Variants in RYR1 observed in about 807,000 individuals in gnomAD.
RYR1 encodes ryanodine receptor 1.
In RYR1, 342 loss-of-function variants were observed where a neutral mutation model predicts 583.5. The ratio of observed to expected loss-of-function variants is 0.59; its 90% CI spans 0.54 to 0.64. RYR1 has a LOEUF of 0.64. RYR1 is among the 30% of genes least tolerant of loss of function. The pLI, the probability that RYR1 is intolerant of heterozygous loss-of-function variation, is 0.00. For missense variants in RYR1, 6,032 were observed against 6,917.2 expected (o/e 0.87, Z 4.54); for synonymous variants, 2,791 against 2,822.5 (o/e 0.99, Z 0.35).
At chr19:38,486,284 T>G in intron 34 of RYR1, 82 bp downstream of exon 34, 1 of 1,514,024 alleles carries the variant, frequency 6.6e-7, no homozygotes, top group South Asian at 1.1e-5. Flanking sequence ...TCAATCCTCC[T>G]CTATTTATGC....
chr19:38,494,431 G>A lies in RYR1; in HGVS notation c.6354G>A (p.Arg2118=). ...EDFVQSPELV[R]AMFSLLHRQY... ...TCGTGCAGAGCCCCGAGCTGGTGCG[G>A]GCCATGTTCAGCCTCCTGCACCGGC... The change falls in exon 39 of 106, where the codon CGG becomes CGA. Residue 2118 remains arginine, a synonymous_variant. Coordinates refer to ENST00000359596, the MANE Select transcript of RYR1 (RefSeq NM_000540.3). 1 of 1,612,332 alleles carries A rather than the reference G, an allele frequency of 6.2e-7. No individual in the cohort carries two copies. The highest frequency in any genetic ancestry group is 8.5e-7 in the Non-Finnish European group (1 of 1,180,012).
chr19:38,532,548 C>A lies in RYR1; in HGVS notation c.11193+7C>A. The A allele has an allele frequency of 6.2e-7, 1 of 1,614,182 alleles. No individual in the cohort carries two copies. On this transcript the variant is annotated splice_region_variant and intron_variant, in intron 77 of 105. Transcript: ENST00000359596. ...TGCTGATATCATGGCAAAGGTGAGG[C>A]CCTACCCCCCTCTTCTGGGGCAGAT...
In RYR1 at chr19:38,444,201, A is replaced by T. The variant is rs1011556378; in HGVS notation, c.477A>T (p.Gly159=). ...CAGCCTCCAAGCAGAGGTCTGAAGG[A>T]GAAAAGGTCCGCGTTGGGGATGACA... is the stretch of plus-strand genomic sequence containing the variant. ...MHPASKQRSE[G]EKVRVGDDII... The change falls in exon 6 of 106, where the codon GGA becomes GGT. Residue 159 remains glycine, a synonymous_variant. Transcript: ENST00000359596. The surrounding 1 kb of genome is among the most constrained non-coding windows in gnomAD (Gnocchi z 5.1). The T allele has an allele frequency of 6.2e-7, 1 of 1,613,990 alleles. No homozygotes were observed. The highest frequency in any genetic ancestry group is 8.5e-7 in the Non-Finnish European group (1 of 1,179,968).
chr19:38,492,407 C>T (rs1969590943), intron 37 of RYR1, 83 bp from the exon 38 acceptor site: 2 of 1,424,286 alleles, frequency 1.4e-6, no homozygotes, highest in Admixed American at 1.7e-5. Context: ...CATGCATGCA[C>T]ATATGCACAA....
At chr19:38,451,679 G>A in intron 11 of RYR1, 85 bp from the exon 12 acceptor site, 1 of 1,543,766 alleles carries the variant, frequency 6.5e-7, no homozygotes. Flanking sequence ...GGGGGCAAGT[G>A]CAGAACTCAA....
chr19:38,463,433 C>T lies in RYR1; in HGVS notation c.2588C>T (p.Pro863Leu), dbSNP rs145456934. ...CPVDTVQIVLPPHLERIREKL... is the reference protein window; with the variant it reads ...CPVDTVQIVLLPHLERIREKL... Reference sequence around the variant, plus strand: ...TCCCTCTGCCTCTAGATTGTCCTGCCGCCCCATCTGGAGCGCATTCGGGAG... The same window carrying T: ...TCCCTCTGCCTCTAGATTGTCCTGCTGCCCCATCTGGAGCGCATTCGGGAG... Residue 863 changes from proline (P) to leucine (L), a missense_variant, in exon 21 of 106, where the codon CCG becomes CTG. Physicochemically the swap from Pro to Leu is moderately conservative, Grantham distance 98 (BLOSUM62 -3). Coordinates refer to ENST00000359596, the MANE Select transcript of RYR1 (RefSeq NM_000540.3). 8.8e-5 allele frequency: 142 copies of T among 1,613,890 alleles called. No individual in the cohort carries two copies. Among genetic ancestry groups the T allele is most frequent in the Admixed American group, 4.7e-4 (28 of 59,994 alleles).
At position 38,547,342 on chromosome 19, in the gene RYR1, C is replaced by T. The variant is rs146104029; in HGVS notation, c.12094+816C>T. On this transcript the variant is annotated intron_variant, in intron 88 of 105. Coordinates refer to ENST00000359596, the MANE Select transcript of RYR1 (RefSeq NM_000540.3). Reference sequence around the variant, plus strand: ...CTGGGATTACAGACTTGAGCCACTGCGCCCAGCCTACATTAAAATTTAAAA... The same window carrying T: ...CTGGGATTACAGACTTGAGCCACTGTGCCCAGCCTACATTAAAATTTAAAA... 3.7e-3 allele frequency among the ~76,000 whole-genome samples: 569 copies of T among 151,818 alleles called. 2 individuals are homozygous for T. Among genetic ancestry groups the T allele is most frequent in the African/African-American group, 0.012 (491 of 41,380 alleles).
chr19:38,469,502 C>T lies in RYR1; in HGVS notation c.3754C>T (p.Pro1252Ser). 1 of 1,614,086 alleles carries T rather than the reference C, an allele frequency of 6.2e-7. No homozygotes were observed. Among genetic ancestry groups the T allele is most frequent in the Non-Finnish European group, 8.5e-7 (1 of 1,180,016 alleles). ...GTTTGAGCCAGTGCCCCTTGAACAC[C>T]CTCACTATGAGGTAAGGACTGAGCC... is the stretch of plus-strand genomic sequence containing the variant. ...PQFEPVPLEH[P>S]HYEVSRVDGT... is the part of the protein sequence containing the mutation. Residue 1252 changes from proline (P) to serine (S), a missense_variant, in exon 27 of 106, where the codon CCT (proline) becomes TCT (serine). Physicochemically the swap from Pro to Ser is moderately conservative, Grantham distance 74 (BLOSUM62 -1). Transcript: ENST00000359596.
chr19:38,508,659 G>C (rs1027412359), intron 58 of RYR1, among the ~76,000 whole-genome samples: 42 of 152,204 alleles, frequency 2.8e-4, no homozygotes, highest in African/African-American at 9.9e-4. Context: ...GAGTGCAAAG[G>C]CCCTGAGAGG....
Position 38,519,350 on chromosome 19 carries a change from G to A in RYR1, c.10155G>A (p.Ala3385=), listed in dbSNP as rs746491996. The part of the protein sequence containing the change: ...EEEQLRLEAK[A]EAQEGELLVR... ...AGCAGCTGCGCCTGGAGGCCAAGGC[G>A]GAGGCCCAGGAGGGCGAGCTGCTGG... Residue 3385 remains alanine, a synonymous_variant, in exon 67 of 106, where the codon GCG becomes GCA. Coordinates refer to ENST00000359596, the MANE Select transcript of RYR1 (RefSeq NM_000540.3). 89 of 1,611,602 alleles carry A rather than the reference G, an allele frequency of 5.5e-5. No individual in the cohort carries two copies. Among genetic ancestry groups the A allele is most frequent in the South Asian group, 2.2e-4 (20 of 90,870 alleles).
At chr19:38,510,382 T>G in intron 58 of RYR1, 116 bp from the exon 59 acceptor site, 1 of 996,560 alleles carries the variant, frequency 1.0e-6, no homozygotes. Flanking sequence ...AATGACTTCA[T>G]ACCAATACTT....
chr19:38,569,227 G>C (rs751055796), intron 93 of RYR1, among the ~76,000 whole-genome samples: 1 of 152,134 alleles, frequency 6.6e-6, no homozygotes, highest in African/African-American at 2.4e-5. Context: ...AGCCAGAATG[G>C]CCTAGATCTG....
intron 47 of RYR1, among the ~76,000 whole-genome samples, chr19:38,502,050 G>A (rs1439120368): frequency 1.3e-5 from 2 of 151,702 alleles, no homozygotes; most frequent in African/African-American, 4.9e-5. Flanking sequence ...CTAGCTACTA[G>A]GGAGGCTGAG....
intron 16 of RYR1, among the ~76,000 whole-genome samples, chr19:38,456,856 C>G (rs924271094): frequency 6.6e-6 from 1 of 151,106 alleles, no homozygotes; most frequent in Non-Finnish European, 1.5e-5. Context: ...ACCATCCTGG[C>G]TAATGCGGTG....
rs754442688 is a variant in RYR1 at position 38,535,204 on chromosome 19, A to G, written c.11423A>G (p.Asn3808Ser). 1.9e-6 allele frequency: 3 copies of G among 1,614,132 alleles called. No individual in the cohort carries two copies. Among genetic ancestry groups the G allele is most frequent in the Non-Finnish European group, 2.5e-6 (3 of 1,180,008 alleles). The change falls in exon 80 of 106, where the codon AAT becomes AGT. Residue 3808 changes from asparagine to serine, a missense_variant. Physicochemically the swap from Asn to Ser is conservative, Grantham distance 46. This residue lies in a region of RYR1 where 1,493 missense variants were observed against 1,715.5 expected (regional missense o/e 0.87). Transcript: ENST00000359596. ...GGCATCTCCATCCTCAATGGAGGCA[A>G]TGCTGAGGTCCAGCAGGTAACAGAG... ...KLGISILNGG[N>S]AEVQQKMLDY...
chr19:38,550,910 C>A (rs193159094), intron 89 of RYR1, among the ~76,000 whole-genome samples: 2 of 151,774 alleles, frequency 1.3e-5, no homozygotes, highest in African/African-American at 4.8e-5. Flanking sequence ...CTCATTTCGC[C>A]GTATGCTTTA....
intron 1 of RYR1, among the ~76,000 whole-genome samples, chr19:38,437,699 C>G (rs535866826): frequency 6.6e-6 from 1 of 152,120 alleles, no homozygotes; most frequent in East Asian, 1.9e-4. Flanking sequence ...ACCTGTAGTA[C>G]CAGCTACTTG....
At position 38,452,815 on chromosome 19, in the gene RYR1, G is replaced by A; in HGVS notation, c.1245-4G>A. On this transcript the variant is annotated splice_polypyrimidine_tract_variant and splice_region_variant and intron_variant, in intron 12 of 105. Coordinates refer to ENST00000359596, the MANE Select transcript of RYR1 (RefSeq NM_000540.3). ...CGTGGCTGACAGCTGCGAGGTCCCT[G>A]TAGGAGCCTGGACAGCTTCAGCGGG... 6.3e-7 allele frequency: 1 copy of A among 1,584,160 alleles called. No individual in the cohort carries two copies. Among genetic ancestry groups the A allele is most frequent in the Non-Finnish European group, 8.6e-7 (1 of 1,165,834 alleles).
At position 38,543,237 on chromosome 19, in the gene RYR1, C is replaced by T. The variant is rs1972275569; in HGVS notation, c.11690-110C>T. The stretch of plus-strand genomic sequence containing the variant: ...AAATTGATGATGATATGCTTTCTGG[C>T]ATACAATAGGAACTCAACACATGAG... On this transcript the variant is annotated intron_variant, in intron 84 of 105. Transcript: ENST00000359596. This position sits in a 1 kb window ranked among gnomAD's most constrained non-coding sequence, Gnocchi z 4.4. 1.1e-6 allele frequency: 1 copy of T among 899,584 alleles called. No homozygotes were observed. Among genetic ancestry groups the T allele is most frequent in the Non-Finnish European group, 1.9e-6 (1 of 531,808 alleles). 55.7% of individuals were successfully genotyped at this position (899,584 alleles called of 1,614,324 possible).
Sources: allele counts gnomAD v4.1 joint callset (sites outside exome capture counted in the v4.1 genomes callset), GRCh38; gene constraint gnomAD v4.1.1; regional missense constraint gnomAD v4.1.1; non-coding constraint Gnocchi (gnomAD v3.1); transcripts MANE v1.5; gene names NCBI Gene and HGNC (gene_info 2026-07-23, HGNC 2026-07-21).